Variants in OR2M3 observed in about 807,000 individuals in gnomAD.
OR2M3 encodes olfactory receptor 2M3.
Under a neutral mutation model 4.3 loss-of-function variants are expected in OR2M3, and 1 was observed. The ratio of observed to expected loss-of-function variants is 0.23; its 90% confidence interval spans 0.08 to 1.11. The LOEUF (loss-of-function observed/expected upper bound fraction) is 1.11. Ranked by LOEUF, OR2M3 falls within the 50% of genes most tolerant of loss-of-function variation. The pLI is 0.54. For synonymous variants in OR2M3, 151 were observed against 139.4 expected (o/e 1.08, Z -0.59); for missense variants, 410 against 390.4 (o/e 1.05, Z -0.42).
chr1:248,198,263 TC>T (rs1666119024), intron 1 of OR2M3, among the ~76,000 whole-genome samples: 1 of 152,160 alleles, frequency 6.6e-6, no homozygotes, highest in African/African-American at 2.4e-5. Context: ...TTGCTGTGCT[TC>T]ATAAGTGATT....
intron 1 of OR2M3, among the ~76,000 whole-genome samples, chr1:248,199,620 AT>A (rs1008778000): frequency 6.6e-6 from 1 of 152,252 alleles, no homozygotes; most frequent in Non-Finnish European, 1.5e-5. Flanking sequence ...TAGAAGAAAT[AT>A]TTAATTTCCT....
chr1:248,209,561 C>T lies in OR2M3; in HGVS notation c.*5555C>T, dbSNP rs1246611551. 1 of 152,114 alleles carries T rather than the reference C, an allele frequency of 6.6e-6. No homozygotes were observed. Among genetic ancestry groups the T allele is most frequent in the Non-Finnish European group, 1.5e-5 (1 of 68,032 alleles). 9.4% of individuals were successfully genotyped at this position (152,114 alleles called of 1,614,324 possible). On this transcript the variant is annotated 3_prime_UTR_variant, in exon 2 of 2. Coordinates refer to ENST00000641626, the MANE Select transcript of OR2M3 (RefSeq NM_001004689.2). ...GGAATGAGGCTTCCTGAGAGCCAAA[C>T]TGTAGTGGCTGTCTAGCCACACAGT...
chr1:248,203,776 G>A lies in OR2M3; in HGVS notation c.709G>A (p.Ala237Thr), dbSNP rs1666192268. ...HMGSGEGRRKAFTTCSSHLLV... is the reference protein window; with the variant it reads ...HMGSGEGRRKTFTTCSSHLLV... ...GGGATCTGGAGAGGGTCGTCGCAAA[G>A]CTTTTACTACTTGTTCCTCTCACCT... Residue 237 changes from alanine to threonine, a missense_variant, in exon 2 of 2, where the codon GCT becomes ACT. Ala to Thr is a moderately conservative substitution (Grantham distance 58). Transcript: ENST00000641626. The A allele has an allele frequency of 6.2e-7, 1 of 1,612,484 alleles. No homozygotes were observed. Among genetic ancestry groups the A allele is most frequent in the African/African-American group, 1.3e-5 (1 of 74,820 alleles).
rs1314793961 is a variant in OR2M3 at position 248,211,548 on chromosome 1, G to A, written c.*7542G>A. 2 of 148,974 alleles carry A rather than the reference G, an allele frequency of 1.3e-5. No homozygotes were observed. The highest frequency in any genetic ancestry group is 5.0e-5 in the African/African-American group (2 of 40,250). 9.2% of individuals were successfully genotyped at this position (148,974 alleles called of 1,614,324 possible). A position where few individuals can be genotyped will look rare whatever the true frequency, so the allele number is the denominator to read the frequency against. On this transcript the variant is annotated 3_prime_UTR_variant, in exon 2 of 2. Transcript: ENST00000641626. ...TAATTTTTTTTTTTTTTTAATTACA[G>A]AGTCTCGCTCTGGGGCCCAGGCTGG...
At position 248,203,976 on chromosome 1, in the gene OR2M3, G is replaced by C. The variant is rs1422896734; in HGVS notation, c.909G>C (p.Lys303Asn). ...AGGAGGTGACCAGAGCATTCATGAA[G>C]ATCTTAGGAAAGGGCAAGTCTGGAG... ...RNKEVTRAFM[K>N]ILGKGKSGE Residue 303 changes from lysine to asparagine, a missense_variant, in exon 2 of 2, where the codon AAG becomes AAC. Physicochemically the swap from Lys to Asn is moderately conservative, Grantham distance 94 (BLOSUM62 0). Transcript: ENST00000641626. 6.2e-7 allele frequency: 1 copy of C among 1,613,860 alleles called. No individual in the cohort carries two copies. The highest frequency in any genetic ancestry group is 8.5e-7 in the Non-Finnish European group (1 of 1,179,888).
intron 1 of OR2M3, among the ~76,000 whole-genome samples, chr1:248,201,591 C>A: frequency 7.3e-6 from 1 of 136,786 alleles, no homozygotes. Context: ...ACTATCCCTC[C>A]CCCCTCCCCC....
chr1:248,199,273 G>C (rs551634713), intron 1 of OR2M3, among the ~76,000 whole-genome samples: 1 of 152,050 alleles, frequency 6.6e-6, no homozygotes, highest in East Asian at 1.9e-4. Context: ...ATGCCAGTGG[G>C]TATTCTGAAA....
Position 248,207,076 on chromosome 1 carries a change from G to GT in OR2M3, c.*3076dup, listed in dbSNP as rs1427581803. 3 of 151,752 alleles carry GT rather than the reference G, an allele frequency of 2.0e-5. No individual in the cohort carries two copies. The highest frequency in any genetic ancestry group is 1.3e-4 in the Admixed American group (2 of 15,202). The allele number at this position is 151,752 out of a possible 1,614,324, so 9.4% of individuals were successfully genotyped here. On this transcript the variant is annotated 3_prime_UTR_variant, in exon 2 of 2. Transcript: ENST00000641626. ...CCAGGAATTTGGTTATCTCTTCCAGGTTTTTTAGTTTATCTGCACAAAGGT... is the reference window on the plus strand; with the variant it reads ...CCAGGAATTTGGTTATCTCTTCCAGGTTTTTTTAGTTTATCTGCACAAAGGT...
rs1236149996 is a variant in OR2M3, at chr1:248,207,446, G to A, written c.*3440G>A. ...GACTTTTTGATGTAGGCATCTAATG[G>A]AATGAACTTTCCTCTTAGCACTGCT... On this transcript the variant is annotated 3_prime_UTR_variant, in exon 2 of 2. Transcript: ENST00000641626. The A allele has an allele frequency of 6.6e-6, 1 of 151,878 alleles. No homozygotes were observed. The highest frequency in any genetic ancestry group is 1.5e-5 in the Non-Finnish European group (1 of 67,854). The allele number at this position is 151,878 out of a possible 1,614,324, so 9.4% of individuals were successfully genotyped here. A position where few individuals can be genotyped will look rare whatever the true frequency, so the allele number is the denominator to read the frequency against.
chr1:248,202,284 CCA>C (rs35704238), intron 1 of OR2M3, among the ~76,000 whole-genome samples: 83,135 of 151,654 alleles, frequency 0.55, 23,296 homozygotes, highest in Non-Finnish European at 0.62. Context: ...ACGGTAATCC[CCA>C]GTGTCTCAGT....
In OR2M3 at chr1:248,209,609, G is replaced by A. The variant is rs1397782947; in HGVS notation, c.*5603G>A. The stretch of plus-strand genomic sequence containing the variant: ...AGTGGAGCTACCAGGTTCCATACTG[G>A]TACTTGGGAGTGTCTGCAAAGATCC... On this transcript the variant is annotated 3_prime_UTR_variant, in exon 2 of 2. Coordinates refer to ENST00000641626, the MANE Select transcript of OR2M3 (RefSeq NM_001004689.2). The A allele has an allele frequency of 1.3e-5, 2 of 151,494 alleles. No individual in the cohort carries two copies. The highest frequency in any genetic ancestry group is 2.9e-5 in the Non-Finnish European group (2 of 68,016). The allele number at this position is 151,494 out of a possible 1,614,324, so 9.4% of individuals were successfully genotyped here. A position where few individuals can be genotyped will look rare whatever the true frequency, so the allele number is the denominator to read the frequency against.
chr1:248,198,585 T>A (rs75509397), intron 1 of OR2M3, among the ~76,000 whole-genome samples: 3,843 of 152,218 alleles, frequency 0.025, 164 homozygotes, highest in African/African-American at 0.088. Context: ...GTCTGATACA[T>A]AATGCTTTAC....
In OR2M3 at chr1:248,207,291, T is replaced by G. The variant is rs886088354; in HGVS notation, c.*3285T>G. On this transcript the variant is annotated 3_prime_UTR_variant, in exon 2 of 2. Transcript: ENST00000641626. ...TTTCATTTATCTTTTGTATTTTTTTTGTTTCAATTTCATTTAGTTCTGCTC... is the reference window on the plus strand; with the variant it reads ...TTTCATTTATCTTTTGTATTTTTTTGGTTTCAATTTCATTTAGTTCTGCTC... The G allele has an allele frequency of 2.6e-5, 4 of 152,078 alleles. No individual in the cohort carries two copies. The highest frequency in any genetic ancestry group is 4.4e-5 in the Non-Finnish European group (3 of 67,964). 9.4% of individuals were successfully genotyped at this position (152,078 alleles called of 1,614,324 possible).
rs1266877055 is a variant in OR2M3 at position 248,208,737 on chromosome 1, T to A, written c.*4731T>A. The A allele has an allele frequency of 1.3e-5, 2 of 152,202 alleles. No individual in the cohort carries two copies. The highest frequency in any genetic ancestry group is 2.9e-5 in the Non-Finnish European group (2 of 68,038). 9.4% of individuals were successfully genotyped at this position (152,202 alleles called of 1,614,324 possible). A position where few individuals can be genotyped will look rare whatever the true frequency, so the allele number is the denominator to read the frequency against. ...GATAGGTTTTTCTTTACAGGTTACCTGATGCTTTTCTCTCACGGCTGACAT... is the reference window on the plus strand; with the variant it reads ...GATAGGTTTTTCTTTACAGGTTACCAGATGCTTTTCTCTCACGGCTGACAT... On this transcript the variant is annotated 3_prime_UTR_variant, in exon 2 of 2. Coordinates refer to ENST00000641626, the MANE Select transcript of OR2M3 (RefSeq NM_001004689.2).
chr1:248,201,476 G>GTATAACAATATACAT (rs1666155986), intron 1 of OR2M3, among the ~76,000 whole-genome samples: 1 of 151,544 alleles, frequency 6.6e-6, no homozygotes, highest in African/African-American at 2.4e-5. Context: ...TTAAGTTTTA[G>GTATAACAATATACAT]GGTACATGTG....
chr1:248,202,444 A>G (rs1034269524), intron 1 of OR2M3, among the ~76,000 whole-genome samples: 2 of 152,190 alleles, frequency 1.3e-5, no homozygotes, highest in Non-Finnish European at 2.9e-5. Flanking sequence ...GGGAAGAAAT[A>G]CAACTCAATC....
intron 1 of OR2M3, among the ~76,000 whole-genome samples, chr1:248,201,954 G>C (rs1021213573): frequency 9.9e-5 from 15 of 152,210 alleles, no homozygotes; most frequent in Admixed American, 2.6e-4. Flanking sequence ...AGTGTGGTTG[G>C]AAAGAGTGGA....
rs1350867690 is a variant in OR2M3 at position 248,206,421 on chromosome 1, AT to A, written c.*2416del. On this transcript the variant is annotated 3_prime_UTR_variant, in exon 2 of 2. Transcript: ENST00000641626. ...TTTCCAATTTTCCCCTTTCAGTATA[AT>A]GTTTGCTGTGGATTTCTCATAGAAG... The A allele has an allele frequency of 6.6e-6, 1 of 151,912 alleles. No individual in the cohort carries two copies. Among genetic ancestry groups the A allele is most frequent in the Non-Finnish European group, 1.5e-5 (1 of 67,952 alleles). The allele number at this position is 151,912 out of a possible 1,614,324, so 9.4% of individuals were successfully genotyped here. A position where few individuals can be genotyped will look rare whatever the true frequency, so the allele number is the denominator to read the frequency against.
At position 248,205,178 on chromosome 1, in the gene OR2M3, A is replaced by G. The variant is rs1482429672; in HGVS notation, c.*1172A>G. On this transcript the variant is annotated 3_prime_UTR_variant, in exon 2 of 2. Coordinates refer to ENST00000641626, the MANE Select transcript of OR2M3 (RefSeq NM_001004689.2). ...GCTGATTTGTTTGAGTTCTTTGTAG[A>G]TTCTGGAAATTAATCCCTTCTCAGA... 1 of 152,010 alleles carries G rather than the reference A, an allele frequency of 6.6e-6. No individual in the cohort carries two copies. The highest frequency in any genetic ancestry group is 1.9e-4 in the East Asian group (1 of 5,182). The allele number at this position is 152,010 out of a possible 1,614,324, so 9.4% of individuals were successfully genotyped here.
Sources: gnomAD v4.1 joint callset for allele counts (sites outside exome capture counted in the v4.1 genomes callset) on GRCh38, gnomAD v4.1.1 for gene constraint, MANE v1.5 for transcripts, NCBI Gene and HGNC (gene_info 2026-07-23, HGNC 2026-07-21) for gene names.